AFF3: variants seen among roughly 807,000 people sequenced by gnomAD.
The protein encoded by AFF3 is ALF transcription elongation factor 3, also known as AF4/FMR2 family member 3.
In AFF3, 32 loss-of-function variants were observed where a neutral mutation model predicts 129.7. The observed-to-expected ratio is 0.25, with a 90% confidence interval of 0.19 to 0.33. The LOEUF (loss-of-function observed/expected upper bound fraction) is 0.33, where lower values mean the gene tolerates loss of function less well. AFF3 is among the 10% of genes least tolerant of loss of function. The pLI is 1.00. For missense variants in AFF3, 1,373 were observed against 1,592.0 expected, an observed-to-expected ratio of 0.86 and a Z score of 2.34; for synonymous variants, 644 against 635.4, an observed-to-expected ratio of 1.01 and a Z score of -0.20.
intron 4 of AFF3, among the ~76,000 whole-genome samples, chr2:100,072,366 A>C (rs1688258417): frequency 6.6e-6 from 1 of 152,120 alleles, no homozygotes; most frequent in African/African-American, 2.4e-5. Flanking sequence ...TTCATCCTGA[A>C]ACCATCCCCA....
intron 4 of AFF3, among the ~76,000 whole-genome samples, chr2:100,066,509 ACTC>A (rs771857519): frequency 3.9e-5 from 6 of 152,120 alleles, no homozygotes; most frequent in Non-Finnish European, 8.8e-5. Context: ...TGTTTTATTA[ACTC>A]CTCTTTTATT....
intron 8 of AFF3, among the ~76,000 whole-genome samples, chr2:99,832,999 G>C (rs879710228): frequency 1.6e-4 from 24 of 152,348 alleles, no homozygotes; most frequent in Middle Eastern, 3.4e-3. Context: ...ATTTGACCTA[G>C]GTCCAGCTCT....
At chr2:99,802,017 T>C (rs1240470287) in intron 8 of AFF3, among the ~76,000 whole-genome samples, 2 of 152,222 alleles carry the variant, frequency 1.3e-5, no homozygotes, top group Non-Finnish European at 2.9e-5. Context: ...CGGATTTAAC[T>C]GTATAATTAG....
intron 7 of AFF3, among the ~76,000 whole-genome samples, chr2:99,954,231 C>A (rs1201052325): frequency 1.3e-5 from 2 of 151,256 alleles, no homozygotes; most frequent in African/African-American, 4.9e-5. Flanking sequence ...AAAAAAAAAA[C>A]CCACTTAATT....
intron 7 of AFF3, among the ~76,000 whole-genome samples, chr2:100,005,403 A>T (rs979690549): frequency 2.0e-5 from 3 of 152,230 alleles, no homozygotes; most frequent in Admixed American, 1.3e-4. Context: ...TGGTGGTTGT[A>T]AAAGTCAGTC....
intron 4 of AFF3, among the ~76,000 whole-genome samples, chr2:100,041,081 C>T (rs1055785900): frequency 1.3e-5 from 2 of 152,224 alleles, no homozygotes; most frequent in Admixed American, 6.5e-5. Flanking sequence ...GATGGCTCTA[C>T]ACAAACCATC....
At chr2:99,685,228 AC>A (rs1363833629) in intron 11 of AFF3, among the ~76,000 whole-genome samples, 1 of 152,040 alleles carries the variant, frequency 6.6e-6, no homozygotes, top group African/African-American at 2.4e-5. Context: ...GGCCTGAGCC[AC>A]CCCCCTGGCC....
chr2:99,986,816 T>C (rs1395493684), intron 7 of AFF3, among the ~76,000 whole-genome samples: 4 of 152,156 alleles, frequency 2.6e-5, no homozygotes, highest in Non-Finnish European at 5.9e-5. Flanking sequence ...GTTTAAATAG[T>C]AGAGCTTTTC....
intron 8 of AFF3, among the ~76,000 whole-genome samples, chr2:99,792,516 C>T (rs1685267902): frequency 6.6e-6 from 1 of 151,684 alleles, no homozygotes; most frequent in African/African-American, 2.4e-5. Context: ...ACAACAAAAA[C>T]TCAAACAAAA....
chr2:99,927,287 T>C (rs375388112), intron 7 of AFF3, among the ~76,000 whole-genome samples: 22 of 152,308 alleles, frequency 1.4e-4, no homozygotes, highest in Admixed American at 5.2e-4. Context: ...CATGTGTCCA[T>C]TGCAGCACTA....
Position 100,006,827 on chromosome 2 carries a change from C to T in AFF3, c.678G>A (p.Leu226=), listed in dbSNP as rs1351443462. The part of the protein sequence containing the change: ...FPPSLASKPS[L]VQQKPTAYVR... ...CATACGCGGTCGGTTTCTGCTGGAC[C>T]AGGCTGGGTTTTGAAGCTAGGGATG... The change falls in exon 7 of 25, where the codon CTG becomes CTA. Residue 226 remains leucine, a synonymous_variant. Coordinates refer to ENST00000672756, the MANE Select transcript of AFF3 (RefSeq NM_001386135.1). 25 of 1,614,200 alleles carry T rather than the reference C, an allele frequency of 1.5e-5. No individual in the cohort carries two copies. Among genetic ancestry groups the T allele is most frequent in the Non-Finnish European group, 1.9e-5 (23 of 1,180,040 alleles).
At chr2:99,948,371 T>C (rs1675834179) in intron 7 of AFF3, among the ~76,000 whole-genome samples, 1 of 152,188 alleles carries the variant, frequency 6.6e-6, no homozygotes, top group South Asian at 2.1e-4. Context: ...CAACAACTGC[T>C]CATAGTGCCT....
chr2:99,591,105 A>G (rs139994843), intron 15 of AFF3, among the ~76,000 whole-genome samples: 23 of 152,290 alleles, frequency 1.5e-4, no homozygotes, highest in East Asian at 1.2e-3. Context: ...AAGGGCTTCA[A>G]ATTCTACTTT....
chr2:100,007,142 G>C lies in AFF3; in HGVS notation c.487+6C>G. Reference sequence around the variant, plus strand: ...TGCAAATCAAGCAACCTGTGCCTGTGCTTACTTGCTCTCTGTTGGCCGTCA... The same window carrying C: ...TGCAAATCAAGCAACCTGTGCCTGTCCTTACTTGCTCTCTGTTGGCCGTCA... On this transcript the variant is annotated splice_donor_region_variant and intron_variant, in intron 6 of 24. Coordinates refer to ENST00000672756, the MANE Select transcript of AFF3 (RefSeq NM_001386135.1). The C allele has an allele frequency of 6.2e-7, 1 of 1,613,788 alleles. No homozygotes were observed. The highest frequency in any genetic ancestry group is 8.5e-7 in the Non-Finnish European group (1 of 1,179,812).
chr2:99,634,200 C>T (rs1327086794), intron 13 of AFF3, among the ~76,000 whole-genome samples: 1 of 152,194 alleles, frequency 6.6e-6, no homozygotes, highest in Non-Finnish European at 1.5e-5. Flanking sequence ...GAGCCACTGT[C>T]CCAGGCCACA....
intron 13 of AFF3, among the ~76,000 whole-genome samples, chr2:99,643,706 C>A (rs931712672): frequency 3.9e-5 from 6 of 152,140 alleles, no homozygotes; most frequent in African/African-American, 1.4e-4. Context: ...CTGAATCCAA[C>A]CCCCTACACT....
intron 7 of AFF3, among the ~76,000 whole-genome samples, chr2:99,944,656 C>T (rs1675387596): frequency 6.6e-6 from 1 of 152,052 alleles, no homozygotes; most frequent in African/African-American, 2.4e-5. Flanking sequence ...AGTACTCACA[C>T]ACTATGAACC....
intron 12 of AFF3, among the ~76,000 whole-genome samples, chr2:99,657,758 A>G (rs932441118): frequency 6.6e-6 from 1 of 152,238 alleles, no homozygotes; most frequent in African/African-American, 2.4e-5. Flanking sequence ...TAGACAATAA[A>G]AAACATTTAT....
At chr2:99,878,563 G>C (rs1039248418) in intron 7 of AFF3, among the ~76,000 whole-genome samples, 23 of 152,158 alleles carry the variant, frequency 1.5e-4, no homozygotes, top group African/African-American at 5.3e-4. Context: ...TTTCTGCCAG[G>C]AGGCACTGAC....
Sources: allele counts gnomAD v4.1 joint callset (sites outside exome capture counted in the v4.1 genomes callset), GRCh38; gene constraint gnomAD v4.1.1; transcripts MANE v1.5; gene names NCBI Gene and HGNC (gene_info 2026-07-23, HGNC 2026-07-21).